The following DNAJC24 variants were observed in gnomAD, a reference collection of about 807,000 sequenced individuals.
The protein encoded by DNAJC24 is DnaJ heat shock protein family (Hsp40) member C24.
A neutral mutation model predicts 18.0 loss-of-function variants in DNAJC24; 17 were observed. The observed-to-expected ratio is 0.94, with a 90% CI of 0.65 to 1.42. DNAJC24 has a LOEUF of 1.42. Among genes scored for constraint, DNAJC24 ranks in the 40% most tolerant of loss-of-function variants. The pLI, the probability that DNAJC24 is intolerant of heterozygous loss-of-function variation, is 0.00. For missense variants in DNAJC24, 158 were observed against 175.6 expected, an observed-to-expected ratio of 0.90 and a Z score of 0.57; for synonymous variants, 55 against 57.7, an observed-to-expected ratio of 0.95 and a Z score of 0.21.
At chr11:31,399,104 T>A in intron 2 of DNAJC24, among the ~76,000 whole-genome samples, 1 of 152,210 alleles carries the variant, frequency 6.6e-6, no homozygotes, top group East Asian at 1.9e-4. Flanking sequence ...ATATTTATAT[T>A]GGATATTATG....
chr11:31,420,128 T>A (rs564000442), intron 3 of DNAJC24, among the ~76,000 whole-genome samples: 17 of 152,232 alleles, frequency 1.1e-4, no homozygotes, highest in African/African-American at 4.1e-4. Flanking sequence ...TTTAAGCTTG[T>A]CCCTGCTACT....
intron 3 of DNAJC24, 27 bp from the exon 4 acceptor site, chr11:31,426,260 T>TTAAGTGTCATGTTTTA: frequency 1.4e-6 from 2 of 1,393,786 alleles, no homozygotes; most frequent in South Asian, 1.3e-5. Flanking sequence ...TGTTTTACAA[T>TTAAGTGTCATGTTTTA]TAAGTGTCAT....
At chr11:31,413,554 G>T (rs544893711) in intron 2 of DNAJC24, among the ~76,000 whole-genome samples, 1 of 151,734 alleles carries the variant, frequency 6.6e-6, no homozygotes, top group Non-Finnish European at 1.5e-5. Context: ...GGATGGTCTC[G>T]ATCTCCTGAC....
At chr11:31,417,016 G>T (rs1447773481) in intron 3 of DNAJC24, 1 of 152,006 alleles carries the variant, frequency 6.6e-6, no homozygotes, top group Non-Finnish European at 1.5e-5. Context: ...GTGAGAGTTG[G>T]ACCTGATTCA....
At chr11:31,408,732 T>A (rs1389798730) in intron 2 of DNAJC24, among the ~76,000 whole-genome samples, 1 of 152,220 alleles carries the variant, frequency 6.6e-6, no homozygotes. Context: ...TTAGTTTTTC[T>A]TATTCTCAAT....
chr11:31,421,200 T>C (rs771659184), intron 3 of DNAJC24, among the ~76,000 whole-genome samples: 1 of 152,180 alleles, frequency 6.6e-6, no homozygotes, highest in Non-Finnish European at 1.5e-5. Flanking sequence ...ACAAGGAAAC[T>C]GATTATGTTC....
At chr11:31,412,064 A>G (rs1008359921) in intron 2 of DNAJC24, among the ~76,000 whole-genome samples, 1 of 152,206 alleles carries the variant, frequency 6.6e-6, no homozygotes, top group African/African-American at 2.4e-5. Context: ...CCTTATTTCA[A>G]TTAATAATCA....
intron 3 of DNAJC24, chr11:31,422,176 A>G (rs1461530959): frequency 4.6e-6 from 1 of 218,380 alleles, no homozygotes; most frequent in Non-Finnish European, 9.4e-6. Flanking sequence ...ATTTCTCAAG[A>G]ACCTCTCTTT....
At chr11:31,398,072 A>C (rs949676811) in intron 2 of DNAJC24, among the ~76,000 whole-genome samples, 3 of 152,150 alleles carry the variant, frequency 2.0e-5, no homozygotes, top group African/African-American at 7.2e-5. Context: ...AAGTGCTAGG[A>C]TTATAGGCGT....
intron 2 of DNAJC24, chr11:31,408,044 A>G (rs1459090153): frequency 4.4e-6 from 2 of 454,276 alleles, no homozygotes; most frequent in Non-Finnish European, 8.8e-6. Context: ...TTAGTGAACG[A>G]AAGGTATCAA....
rs765669645 is a variant in DNAJC24, at chr11:31,430,316, G to A, written c.365G>A (p.Ser122Asn). 1 of 1,611,386 alleles carries A rather than the reference G, an allele frequency of 6.2e-7. No homozygotes were observed. The highest frequency in any genetic ancestry group is 8.5e-7 in the Non-Finnish European group (1 of 1,178,094). Residue 122 changes from serine to asparagine, a missense_variant, in exon 5 of 5, where the codon AGT (serine) becomes AAT (asparagine). Ser to Asn is a conservative substitution (Grantham distance 46). Transcript: ENST00000465995. ...YLSCRCGGKY[S>N]VSKDEAEEVS... is the part of the protein sequence containing the mutation. ...AGTTGCAGATGTGGTGGAAAATACAGTGTTTCCAAGGATGAAGCGGAAGAA... is the reference window on the plus strand; with the variant it reads ...AGTTGCAGATGTGGTGGAAAATACAATGTTTCCAAGGATGAAGCGGAAGAA...
At chr11:31,414,557 G>A (rs1225417460) in intron 2 of DNAJC24, among the ~76,000 whole-genome samples, 1 of 152,112 alleles carries the variant, frequency 6.6e-6, no homozygotes, top group African/African-American at 2.4e-5. Flanking sequence ...AGGATTCCAT[G>A]AACAAATTAT....
intron 2 of DNAJC24, among the ~76,000 whole-genome samples, chr11:31,379,928 T>G (rs1420274413): frequency 6.6e-6 from 1 of 151,946 alleles, no homozygotes; most frequent in Non-Finnish European, 1.5e-5. Flanking sequence ...CAGCTAATTT[T>G]TTTTTCTTTT....
rs1952910416 is a variant in DNAJC24, at chr11:31,430,462, G to A, written c.*61G>A. 6.9e-7 allele frequency: 1 copy of A among 1,448,718 alleles called. No individual in the cohort carries two copies. Among genetic ancestry groups the A allele is most frequent in the Admixed American group, 2.1e-5 (1 of 47,378 alleles). The allele number at this position is 1,448,718 out of a possible 1,614,324, so 89.7% of individuals were successfully genotyped here. On this transcript the variant is annotated 3_prime_UTR_variant, in exon 5 of 5. Coordinates refer to ENST00000465995, the MANE Select transcript of DNAJC24 (RefSeq NM_181706.5). ...TTGAGACATGATGAGAAGCCGTTGAGCTTTGTCCATTCAAGGAAATGGATT... is the reference window on the plus strand; with the variant it reads ...TTGAGACATGATGAGAAGCCGTTGAACTTTGTCCATTCAAGGAAATGGATT...
chr11:31,419,867 CCT>C lies in DNAJC24; in HGVS notation c.250+4919_250+4920del, dbSNP rs571778244. On this transcript the variant is annotated intron_variant, in intron 3 of 4. Transcript: ENST00000465995. ...TTTGTTCTTTTTTAATGTTGTTTCC[CCT>C]GTGTGAGCTTTTATTCTCACAACTA... Among the ~76,000 whole-genome samples, 907 of 152,120 alleles carry C rather than the reference CCT, an allele frequency of 6.0e-3. 7 individuals carry two copies. Among genetic ancestry groups the C allele is most frequent in the African/African-American group, 0.021 (862 of 41,524 alleles).
At chr11:31,409,145 G>C (rs192558075) in intron 2 of DNAJC24, among the ~76,000 whole-genome samples, 2 of 152,132 alleles carry the variant, frequency 1.3e-5, no homozygotes, top group East Asian at 3.9e-4. Context: ...TTGGTTTTCT[G>C]TTGTACTTGT....
chr11:31,420,642 T>G (rs1460188692), intron 3 of DNAJC24, among the ~76,000 whole-genome samples: 1 of 152,172 alleles, frequency 6.6e-6, no homozygotes, highest in Non-Finnish European at 1.5e-5. Flanking sequence ...GTAGTTCTTT[T>G]AAACATTGTT....
chr11:31,430,846 C>T lies in DNAJC24; in HGVS notation c.*445C>T, dbSNP rs2133511361. 1 of 152,626 alleles carries T rather than the reference C, an allele frequency of 6.6e-6. No homozygotes were observed. Among genetic ancestry groups the T allele is most frequent in the South Asian group, 2.1e-4 (1 of 4,820 alleles). The allele number at this position is 152,626 out of a possible 1,614,324, so 9.5% of individuals were successfully genotyped here. ...AGAATCTTTGTGAATAATGTGAGGC[C>T]AGTTCTTCCATAAGGAAGGCTGGTT... is the stretch of plus-strand genomic sequence containing the variant. On this transcript the variant is annotated 3_prime_UTR_variant, in exon 5 of 5. Transcript: ENST00000465995.
chr11:31,422,062 G>A (rs1952811320), intron 3 of DNAJC24: 2 of 377,256 alleles, frequency 5.3e-6, no homozygotes, highest in Non-Finnish European at 1.0e-5. Context: ...ACCTCTTGTT[G>A]TCAGACAAAT....
Sources: gnomAD v4.1 joint callset for allele counts (sites outside exome capture counted in the v4.1 genomes callset) on GRCh38, gnomAD v4.1.1 for gene constraint, MANE v1.5 for transcripts, NCBI Gene and HGNC (gene_info 2026-07-23, HGNC 2026-07-21) for gene names.